Variants in PCDH15 observed in about 807,000 individuals in gnomAD.
The protein encoded by PCDH15 is protocadherin-15.
Under a neutral mutation model 178.5 loss-of-function variants are expected in PCDH15, and 129 were observed. The ratio of observed to expected loss-of-function variants is 0.72; its 90% confidence interval spans 0.63 to 0.84. The LOEUF (loss-of-function observed/expected upper bound fraction) is 0.84. PCDH15 is among the 40% of genes least tolerant of loss of function. PCDH15 has a pLI of 0.00. For missense variants in PCDH15, 2,230 were observed against 2,099.9 expected (o/e 1.06, Z -1.21); for synonymous variants, 800 against 732.0 (o/e 1.09, Z -1.50).
intron 20 of PCDH15, among the ~76,000 whole-genome samples, chr10:54,016,326 A>G (rs961404311): frequency 9.2e-5 from 14 of 152,106 alleles, no homozygotes; most frequent in Admixed American, 9.2e-4. Context: ...GTGATTTCTC[A>G]AGGACCTCAA....
intron 2 of PCDH15, among the ~76,000 whole-genome samples, chr10:55,087,948 T>G (rs1356455973): frequency 6.6e-6 from 1 of 152,192 alleles, no homozygotes; most frequent in African/African-American, 2.4e-5. Flanking sequence ...TATTCACTAT[T>G]AAATTACCTT....
intron 3 of PCDH15, among the ~76,000 whole-genome samples, chr10:54,499,765 T>G (rs113672360): frequency 6.6e-6 from 1 of 151,278 alleles, no homozygotes; most frequent in Non-Finnish European, 1.5e-5. Context: ...CAAGAGGAAG[T>G]AGGAAAAAAA....
chr10:54,810,444 T>A (rs1413432083), intron 3 of PCDH15, among the ~76,000 whole-genome samples: 2 of 152,116 alleles, frequency 1.3e-5, no homozygotes, highest in Non-Finnish European at 2.9e-5. Flanking sequence ...GTCTTCCTGG[T>A]TTGCCTACTA....
rs1945823127 is a variant in PCDH15, at chr10:54,360,438, G to T, written c.474+8682C>A. 2.6e-5 allele frequency among the ~76,000 whole-genome samples: 4 copies of T among 152,038 alleles called. No homozygotes were observed. The South Asian group carries it at 8.3e-4, about 31-fold the overall frequency. On this transcript the variant is annotated intron_variant, in intron 5 of 37. Transcript: ENST00000644397. ...TTGTTGCCTCAGTGATTGGCTTTCT[G>T]TGTGGTGAGCGGCAGGACCTAGACC...
At chr10:54,518,478 C>G (rs1382276775) in intron 3 of PCDH15, among the ~76,000 whole-genome samples, 1 of 152,090 alleles carries the variant, frequency 6.6e-6, no homozygotes, top group Non-Finnish European at 1.5e-5. Flanking sequence ...GGATAAATTC[C>G]TCAACACATA....
At chr10:54,834,455 G>C (rs889347876) in intron 3 of PCDH15, among the ~76,000 whole-genome samples, 1 of 151,892 alleles carries the variant, frequency 6.6e-6, no homozygotes, top group Admixed American at 6.6e-5. Context: ...CTGGGTTATA[G>C]ATGTGAGCCA....
chr10:54,724,479 A>G (rs1942151348), intron 1 of PCDH15, among the ~76,000 whole-genome samples: 2 of 151,734 alleles, frequency 1.3e-5, no homozygotes, highest in African/African-American at 2.4e-5. Context: ...CCTAACCAAT[A>G]TACAATATAA....
intron 2 of PCDH15, among the ~76,000 whole-genome samples, chr10:55,052,753 T>C (rs1425291910): frequency 1.3e-5 from 2 of 151,858 alleles, no homozygotes; most frequent in South Asian, 2.1e-4. Flanking sequence ...CATATGAAAG[T>C]ACATTAACAA....
chr10:55,573,824 G>A (rs1842450031), intron 2 of PCDH15, among the ~76,000 whole-genome samples: 2 of 151,536 alleles, frequency 1.3e-5, no homozygotes, highest in Admixed American at 6.6e-5. Context: ...GGTCTATGAT[G>A]TTTCCATTTC....
At chr10:54,667,548 A>T (rs577842232) in intron 1 of PCDH15, among the ~76,000 whole-genome samples, 1 of 152,218 alleles carries the variant, frequency 6.6e-6, no homozygotes, top group East Asian at 1.9e-4. Context: ...CTCTAGAATT[A>T]AAAGAGAAAG....
At position 55,251,154 on chromosome 10, in the gene PCDH15, C is replaced by A. The variant is rs557030922; in HGVS notation, c.-156+68445G>T. ...ATCGACATTGATACAATCTATAGGT[C>A]TTATTTAAATTTCCCCAGTTTTACT... On this transcript the variant is annotated intron_variant, in intron 1 of 5. Coordinates refer to the PCDH15 transcript ENST00000458638. 1.1e-4 allele frequency among the ~76,000 whole-genome samples: 16 copies of A among 151,902 alleles called. 1 individual carries two copies. The East Asian group carries it at 3.1e-3, about 30-fold the overall frequency.
chr10:55,024,040 C>T (rs942851512), intron 2 of PCDH15, among the ~76,000 whole-genome samples: 3 of 140,462 alleles, frequency 2.1e-5, no homozygotes, highest in African/African-American at 7.9e-5. Context: ...AAATCTCTTT[C>T]TCTGATACAG....
intron 2 of PCDH15, among the ~76,000 whole-genome samples, chr10:55,334,342 T>C (rs1287214049): frequency 6.8e-6 from 1 of 147,068 alleles, no homozygotes; most frequent in East Asian, 2.0e-4. Flanking sequence ...AGTTTCGCTC[T>C]TGTTGCCCAG....
chr10:54,046,855 C>T (rs574970536), intron 18 of PCDH15, among the ~76,000 whole-genome samples: 4 of 149,760 alleles, frequency 2.7e-5, no homozygotes, highest in Non-Finnish European at 5.9e-5. Context: ...TAAAAATCTC[C>T]GGATATAGCT....
chr10:55,098,905 A>T (rs1037587254), intron 2 of PCDH15, among the ~76,000 whole-genome samples: 3 of 135,926 alleles, frequency 2.2e-5, no homozygotes, highest in African/African-American at 5.8e-5. Context: ...TGAGAGAGAG[A>T]GAGAGAGAGA....
chr10:53,888,339 T>TATATATGTACTTAC (rs1564691439), intron 26 of PCDH15, among the ~76,000 whole-genome samples: 1 of 109,562 alleles, frequency 9.1e-6, no homozygotes, highest in African/African-American at 3.6e-5. Flanking sequence ...TATGTACGTA[T>TATATATGTACTTAC]ATATATATAC....
chr10:54,552,892 G>A (rs879426513), intron 2 of PCDH15, among the ~76,000 whole-genome samples: 4 of 152,178 alleles, frequency 2.6e-5, no homozygotes, highest in African/African-American at 4.8e-5. Context: ...TCCATGAAAT[G>A]CCTACAGATC....
At chr10:55,573,768 C>T (rs1842448726) in intron 2 of PCDH15, among the ~76,000 whole-genome samples, 1 of 151,900 alleles carries the variant, frequency 6.6e-6, no homozygotes, top group African/African-American at 2.4e-5. Context: ...ATGGCATATC[C>T]TGCTAGACTC....
At chr10:54,559,775 T>C (rs190705966) in intron 2 of PCDH15, among the ~76,000 whole-genome samples, 5 of 148,162 alleles carry the variant, frequency 3.4e-5, no homozygotes, top group African/African-American at 1.2e-4. Flanking sequence ...CTTCTCACTG[T>C]AGAGATGACT....
Sources: gnomAD v4.1 joint callset for allele counts (sites outside exome capture counted in the v4.1 genomes callset) on GRCh38, gnomAD v4.1.1 for gene constraint, MANE v1.5 for transcripts, NCBI Gene and HGNC (gene_info 2026-07-23, HGNC 2026-07-21) for gene names.